INSL6: variants seen among roughly 807,000 people sequenced by gnomAD.
INSL6 encodes insulin-like peptide INSL6.
A neutral mutation model predicts 9.4 loss-of-function variants in INSL6; 16 were observed. That is an observed-to-expected ratio of 1.70 (90% CI 1.15 to 2.59). The LOEUF (loss-of-function observed/expected upper bound fraction) is 2.59, where lower values mean the gene tolerates loss of function less well. Among genes scored for constraint, INSL6 ranks in the 30% most tolerant of loss-of-function variants. The probability of loss-of-function intolerance (pLI) is 0.00; values close to 1 mark genes in which losing one functional copy is unlikely to be tolerated. For synonymous variants in INSL6, 154 were observed against 96.9 expected, an observed-to-expected ratio of 1.59 and a Z score of -3.46; for missense variants, 391 against 257.3, an observed-to-expected ratio of 1.52 and a Z score of -3.56.
chr9:5,110,025 T>C, the INSL6 span: 3 of 152,222 alleles, frequency 2.0e-5, no homozygotes, highest in African/African-American at 7.2e-5. Flanking sequence ...AGTTATAGCA[T>C]GGTTCCTCTT....
At chr9:5,099,785 T>C in the INSL6 span, 1 of 152,236 alleles carries the variant, frequency 6.6e-6, no homozygotes, top group Non-Finnish European at 1.5e-5. Flanking sequence ...TCCCTAATTA[T>C]CTTCACTGCC....
At chr9:5,150,849 A>G (rs1824698114) in intron 2 of INSL6, among the ~76,000 whole-genome samples, 1 of 66,954 alleles carries the variant, frequency 1.5e-5, no homozygotes, top group Admixed American at 1.4e-4. Context: ...TAAAGGAGAC[A>G]CACACACACA....
At chr9:5,008,504 A>T in the INSL6 span, among the ~76,000 whole-genome samples, 1 of 152,212 alleles carries the variant, frequency 6.6e-6, no homozygotes, top group South Asian at 2.1e-4. Flanking sequence ...AAATGTTCTA[A>T]AGAAATATAA....
chr9:5,168,825 G>C (rs540362622), intron 1 of INSL6, among the ~76,000 whole-genome samples: 2 of 151,942 alleles, frequency 1.3e-5, no homozygotes, highest in Admixed American at 6.6e-5. Context: ...TGCAGCCAGA[G>C]AAAGGTCGAG....
At chr9:5,170,423 G>A (rs1414594368) in intron 1 of INSL6, among the ~76,000 whole-genome samples, 3 of 151,862 alleles carry the variant, frequency 2.0e-5, no homozygotes, top group South Asian at 2.1e-4. Flanking sequence ...ACACCCTAAC[G>A]TCACAACCAA....
chr9:5,113,718 C>G, the INSL6 span: 1 of 165,800 alleles, frequency 6.0e-6, no homozygotes, highest in Admixed American at 6.5e-5. Flanking sequence ...ACCTTCCCAG[C>G]CACCACCCTC....
At chr9:5,050,225 G>A in the INSL6 span, among the ~76,000 whole-genome samples, 1 of 152,148 alleles carries the variant, frequency 6.6e-6, no homozygotes, top group Non-Finnish European at 1.5e-5. Flanking sequence ...GTTTCCATTT[G>A]CAAATGAACT....
At chr9:5,080,156 A>T in the INSL6 span, 2 of 1,160,846 alleles carry the variant, frequency 1.7e-6, no homozygotes, top group Admixed American at 4.6e-5. Flanking sequence ...TTTGAACTTT[A>T]AAGCTATTTA....
At chr9:5,173,599 G>T (rs751532294) in intron 1 of INSL6, among the ~76,000 whole-genome samples, 6 of 151,910 alleles carry the variant, frequency 3.9e-5, no homozygotes, top group Non-Finnish European at 8.8e-5. Context: ...ACACACAATG[G>T]GGCCTGTCAG....
chr9:5,151,688 T>C (rs1310725774), intron 2 of INSL6, among the ~76,000 whole-genome samples: 1 of 152,086 alleles, frequency 6.6e-6, no homozygotes, highest in Non-Finnish European at 1.5e-5. Context: ...AAACAAAATG[T>C]AATTATAAAA....
At chr9:5,173,735 T>C (rs1378067020) in intron 1 of INSL6, among the ~76,000 whole-genome samples, 3 of 151,674 alleles carry the variant, frequency 2.0e-5, no homozygotes, top group African/African-American at 7.3e-5. Flanking sequence ...GTAATGAACT[T>C]GCACATCTCG....
At chr9:5,014,880 C>A in the INSL6 span, among the ~76,000 whole-genome samples, 4 of 151,510 alleles carry the variant, frequency 2.6e-5, no homozygotes, top group Admixed American at 2.0e-4. Context: ...GCAGAAGTAA[C>A]CATTGTGTAT....
chr9:5,052,722 A>G, the INSL6 span, among the ~76,000 whole-genome samples: 18 of 152,190 alleles, frequency 1.2e-4, no homozygotes, highest in Admixed American at 1.0e-3. Context: ...AACATTTCAT[A>G]TAAATAGAAT....
the INSL6 span, among the ~76,000 whole-genome samples, chr9:5,082,569 C>G: frequency 1.3e-5 from 2 of 152,240 alleles, no homozygotes; most frequent in African/African-American, 4.8e-5. Flanking sequence ...CTAATCCTCC[C>G]CAGCACAGAC....
intron 2 of INSL6, among the ~76,000 whole-genome samples, chr9:5,150,345 C>G (rs1824686079): frequency 6.6e-6 from 1 of 152,098 alleles, no homozygotes; most frequent in Non-Finnish European, 1.5e-5. Flanking sequence ...AGCTATGAAT[C>G]TGATAAAAGA....
chr9:5,002,581 C>T, the INSL6 span, among the ~76,000 whole-genome samples: 3 of 151,892 alleles, frequency 2.0e-5, no homozygotes, highest in African/African-American at 7.2e-5. Context: ...TCTGTGAGCA[C>T]TTGAAAAGGA....
the INSL6 span, among the ~76,000 whole-genome samples, chr9:5,016,936 A>G: frequency 3.9e-5 from 6 of 152,234 alleles, no homozygotes; most frequent in African/African-American, 1.4e-4. Flanking sequence ...ATTTCCTAGA[A>G]TAGAAAAAAG....
intron 2 of INSL6, among the ~76,000 whole-genome samples, chr9:5,149,894 C>T (rs1824678182): frequency 6.6e-6 from 1 of 152,176 alleles, no homozygotes; most frequent in African/African-American, 2.4e-5. Flanking sequence ...CATATAAAAA[C>T]AGACACATAG....
chr9:5,110,317 C>T, the INSL6 span: 1 of 152,168 alleles, frequency 6.6e-6, no homozygotes, highest in Non-Finnish European at 1.5e-5. Context: ...GCTGTTACCA[C>T]CTTATTTACA....
Sources: gnomAD v4.1 joint callset for allele counts (sites outside exome capture counted in the v4.1 genomes callset) on GRCh38, gnomAD v4.1.1 for gene constraint, MANE v1.5 for transcripts, NCBI Gene and HGNC (gene_info 2026-07-23, HGNC 2026-07-21) for gene names.